TIAM1: variants seen among roughly 807,000 people sequenced by gnomAD.
TIAM1 encodes TIAM Rac1 associated GEF 1.
Under a neutral mutation model 163.5 loss-of-function variants are expected in TIAM1, and 65 were observed. The ratio of observed to expected loss-of-function variants is 0.40; its 90% CI spans 0.33 to 0.49. The LOEUF (loss-of-function observed/expected upper bound fraction) is 0.49. Ranked by LOEUF, TIAM1 falls within the 20% of genes least tolerant of loss-of-function variation. The pLI, the probability that TIAM1 is intolerant of heterozygous loss-of-function variation, is 0.77. For synonymous variants in TIAM1, 833 were observed against 810.1 expected, an observed-to-expected ratio of 1.03 and a Z score of -0.48; for missense variants, 1,789 against 2,044.7, an observed-to-expected ratio of 0.87 and a Z score of 2.41.
intron 2 of TIAM1, among the ~76,000 whole-genome samples, chr21:31,331,149 A>T (rs1248186535): frequency 1.3e-5 from 2 of 152,248 alleles, no homozygotes; most frequent in Non-Finnish European, 2.9e-5. Flanking sequence ...TGCATTTCAA[A>T]GATTCAACCA....
In TIAM1 at chr21:31,120,082, TTTTTC is replaced by T. The variant is rs1243230675; in HGVS notation, c.*281_*285del. ...TTTGCTTTCCAGTGCTATAGAATCTTTTTTCTTTTAATTGTTCAGGCCCTGATTTA... is the reference window on the plus strand; with the variant it reads ...TTTGCTTTCCAGTGCTATAGAATCTTTTTTAATTGTTCAGGCCCTGATTTA... On this transcript the variant is annotated 3_prime_UTR_variant, in exon 28 of 28. Coordinates refer to ENST00000541036, the MANE Select transcript of TIAM1 (RefSeq NM_001353694.2). This position sits in a 1 kb window ranked among gnomAD's most constrained non-coding sequence, Gnocchi z 4.2. The T allele has an allele frequency of 3.1e-6, 1 of 324,092 alleles. No homozygotes were observed. The highest frequency in any genetic ancestry group is 5.6e-6 in the Non-Finnish European group (1 of 178,524). 20.1% of individuals were successfully genotyped at this position (324,092 alleles called of 1,614,324 possible).
intron 2 of TIAM1, among the ~76,000 whole-genome samples, chr21:31,364,397 C>A (rs2076463971): frequency 6.6e-6 from 1 of 152,060 alleles, no homozygotes; most frequent in Non-Finnish European, 1.5e-5. Flanking sequence ...AATGAGAAAC[C>A]CTCCAAAGAC....
intron 13 of TIAM1, among the ~76,000 whole-genome samples, chr21:31,191,570 T>G (rs962245939): frequency 2.6e-5 from 4 of 152,158 alleles, no homozygotes; most frequent in Non-Finnish European, 4.4e-5. Flanking sequence ...GCTTTGACAT[T>G]GCCACAACCT....
At chr21:31,447,446 A>T (rs1164473034) in intron 2 of TIAM1, among the ~76,000 whole-genome samples, 2 of 152,258 alleles carry the variant, frequency 1.3e-5, no homozygotes, top group Non-Finnish European at 2.9e-5. Flanking sequence ...AAGAAGATTT[A>T]AAAAAGGAAG....
intron 2 of TIAM1, among the ~76,000 whole-genome samples, chr21:31,364,165 G>A (rs138238686): frequency 2.6e-3 from 391 of 152,294 alleles, no homozygotes; most frequent in Non-Finnish European, 4.1e-3. Flanking sequence ...GCTTTCTTAA[G>A]TAACTGCATG....
rs963764153 is a variant in TIAM1, at chr21:31,463,438, G to A, written c.-369+545C>T. 3.3e-5 allele frequency among the ~76,000 whole-genome samples: 5 copies of A among 152,036 alleles called. No individual in the cohort carries two copies. In the East Asian group the frequency reaches 5.8e-4, roughly 18 times the overall value. ...GCCCATTGCCAGTACCAGCTACATC[G>A]CCAGCACCCTCATCACTGTCACCTC... On this transcript the variant is annotated intron_variant, in intron 2 of 28. Transcript: ENST00000286827.
chr21:31,394,724 T>A (rs1323547792), intron 2 of TIAM1, among the ~76,000 whole-genome samples: 47 of 128,900 alleles, frequency 3.6e-4, no homozygotes, highest in African/African-American at 1.3e-3. Context: ...TCTCTCTCTC[T>A]CTCTCACACA....
At chr21:31,513,290 G>T (rs892211162) in intron 1 of TIAM1, among the ~76,000 whole-genome samples, 2 of 152,142 alleles carry the variant, frequency 1.3e-5, no homozygotes, top group African/African-American at 4.8e-5. Flanking sequence ...CCATTTTACA[G>T]GTGGGGAAAC....
chr21:31,168,493 C>T (rs776170676), intron 15 of TIAM1, among the ~76,000 whole-genome samples: 14 of 151,998 alleles, frequency 9.2e-5, no homozygotes, highest in East Asian at 1.9e-4. Context: ...CTCTACCTCC[C>T]GGGTTCACAC....
chr21:31,432,091 C>CT (rs11291911), intron 2 of TIAM1, among the ~76,000 whole-genome samples: 6,383 of 93,662 alleles, frequency 0.068, 1,302 homozygotes, highest in Non-Finnish European at 0.087. Context: ...TCTAAGATTC[C>CT]TTTTTTTTTT....
intron 15 of TIAM1, among the ~76,000 whole-genome samples, chr21:31,179,905 T>TC (rs1270473039): frequency 3.8e-5 from 4 of 106,590 alleles, no homozygotes; most frequent in African/African-American, 1.8e-4. Context: ...TACACAGATT[T>TC]TTTTTTTTTT....
chr21:31,361,882 C>T (rs11088170), intron 2 of TIAM1, among the ~76,000 whole-genome samples: 35,768 of 110,096 alleles, frequency 0.32, 4,332 homozygotes, highest in Middle Eastern at 0.5. Context: ...GATAGATAGA[C>T]AGACATGTGT....
At chr21:31,409,730 C>A (rs2147236004) in intron 2 of TIAM1, among the ~76,000 whole-genome samples, 2 of 152,346 alleles carry the variant, frequency 1.3e-5, no homozygotes, top group Middle Eastern at 6.8e-3. Flanking sequence ...GCCTTGCGGC[C>A]TTCTCTGGGC....
chr21:31,427,381 G>A (rs2043830788), intron 2 of TIAM1, among the ~76,000 whole-genome samples: 1 of 152,060 alleles, frequency 6.6e-6, no homozygotes, highest in Non-Finnish European at 1.5e-5. Context: ...CAGCTACTCG[G>A]GAGGCTGAGG....
chr21:31,312,716 G>A lies in TIAM1; in HGVS notation c.-189+26527C>T, dbSNP rs189919853. On this transcript the variant is annotated intron_variant, in intron 2 of 27. Transcript: ENST00000541036. ...GGTCAACTATATGGCCCAAGTTCTC[G>A]AAAGTAGCTGAGTAGAAATTCCAAC... is the stretch of plus-strand genomic sequence containing the variant. 1.7e-3 allele frequency among the ~76,000 whole-genome samples: 260 copies of A among 152,236 alleles called. 5 individuals carry two copies. In the South Asian group the frequency reaches 0.028, roughly 17 times the overall value.
At chr21:31,431,692 T>C (rs1323599772) in intron 2 of TIAM1, among the ~76,000 whole-genome samples, 2 of 152,240 alleles carry the variant, frequency 1.3e-5, no homozygotes, top group East Asian at 3.8e-4. Flanking sequence ...AGAGTGTACT[T>C]AGACAAACCC....
rs757944898 is a variant in TIAM1 at position 31,266,400 on chromosome 21, T to C, written c.573A>G (p.Glu191=). The C allele has an allele frequency of 6.2e-7, 1 of 1,614,246 alleles. No individual in the cohort carries two copies. The highest frequency in any genetic ancestry group is 1.1e-5 in the South Asian group (1 of 91,090). The change falls in exon 4 of 28, where the codon GAA becomes GAG. Residue 191 remains glutamate, a synonymous_variant. Coordinates refer to ENST00000541036, the MANE Select transcript of TIAM1 (RefSeq NM_001353694.2). ...AGATTTCTTCGTTGCTTGTTAAATGTTCTTGGCTCAGATCAGAGAGTGAGA... is the reference window on the plus strand; with the variant it reads ...AGATTTCTTCGTTGCTTGTTAAATGCTCTTGGCTCAGATCAGAGAGTGAGA... ...LEFSLSDLSQ[E]HLTSNEEILG... is the part of the protein sequence containing the mutation.
In TIAM1 at chr21:31,473,429, CAAAAAAAAAAAAAAAAAAAA is replaced by C. The variant is rs56691495; in HGVS notation, c.-421-9414_-421-9395del. 3.2e-4 allele frequency among the ~76,000 whole-genome samples: 24 copies of C among 75,740 alleles called. No individual in the cohort carries two copies. In the East Asian group the frequency reaches 0.019, roughly 61 times the overall value. The allele number at this position is 75,740 out of a possible 152,430, so 49.7% of individuals were successfully genotyped here. A position where few individuals can be genotyped will look rare whatever the true frequency, so the allele number is the denominator to read the frequency against. On this transcript the variant is annotated intron_variant, in intron 1 of 28. Transcript: ENST00000286827. ...TGGGGGACAGATCAAGACTCCATCTCAAAAAAAAAAAAAAAAAAAAAAAAAAAAAAAAAAAAACATGGCTT... is the reference window on the plus strand; with the variant it reads ...TGGGGGACAGATCAAGACTCCATCTCAAAAAAAAAAAAAAAAACATGGCTT...
upstream of TIAM1, among the ~76,000 whole-genome samples, chr21:31,346,998 G>GT (rs2076159216): frequency 6.6e-6 from 1 of 152,060 alleles, no homozygotes; most frequent in African/African-American, 2.4e-5. Context: ...TAAAGGGGAC[G>GT]TGGGGGAACA....
Sources: gnomAD v4.1 joint callset for allele counts (sites outside exome capture counted in the v4.1 genomes callset) on GRCh38, gnomAD v4.1.1 for gene constraint, Gnocchi (gnomAD v3.1) non-coding constraint, MANE v1.5 for transcripts, NCBI Gene and HGNC (gene_info 2026-07-23, HGNC 2026-07-21) for gene names.